MYCBP2: variants seen among roughly 807,000 people sequenced by gnomAD.
The protein encoded by MYCBP2 is MYC binding protein 2.
In MYCBP2, 120 loss-of-function variants were observed where a neutral mutation model predicts 525.3. That is an observed-to-expected ratio of 0.23 (90% CI 0.20 to 0.27). The LOEUF is 0.27. Among genes scored for constraint, MYCBP2 ranks in the 10% least tolerant of loss-of-function variants. The pLI is 1.00. For synonymous variants in MYCBP2, 1,894 were observed against 1,955.8 expected (o/e 0.97, Z 0.83); for missense variants, 4,149 against 5,657.1 (o/e 0.73, Z 8.55).
At chr13:77,141,287 T>C (rs1159148846) in intron 49 of MYCBP2, among the ~76,000 whole-genome samples, 1 of 152,150 alleles carries the variant, frequency 6.6e-6, no homozygotes, top group African/African-American at 2.4e-5. Context: ...CCACTCATCA[T>C]CTCTACCAGT....
chr13:77,185,461 A>G, intron 31 of MYCBP2, 84 bp from the exon 32 acceptor site: 1 of 1,369,830 alleles, frequency 7.3e-7, no homozygotes, highest in Admixed American at 2.1e-5. Flanking sequence ...GTAATTCCCT[A>G]TACAGCTAAG....
intron 76 of MYCBP2, among the ~76,000 whole-genome samples, chr13:77,060,870 T>C (rs1293762068): frequency 6.6e-6 from 1 of 152,168 alleles, no homozygotes; most frequent in Non-Finnish European, 1.5e-5. Context: ...ATGTATTTTA[T>C]CTATGGAGCC....
Position 77,326,150 on chromosome 13 carries a change from C to T in MYCBP2, c.302+324G>A, listed in dbSNP as rs1392957953. Among the ~76,000 whole-genome samples, 1 of 151,994 alleles carries T rather than the reference C, an allele frequency of 6.6e-6. No homozygotes were observed. The highest frequency in any genetic ancestry group is 1.5e-5 in the Non-Finnish European group (1 of 68,006). ...TGCCACCTCCTACCTCAACGATACA[C>T]ACACGTGTCACAGCCGACCAGCACC... On this transcript the variant is annotated intron_variant, in intron 1 of 82. Transcript: ENST00000544440. This position sits in a 1 kb window ranked among gnomAD's most constrained non-coding sequence, Gnocchi z 4.2.
chr13:77,326,598 A>G lies in MYCBP2; in HGVS notation c.178T>C (p.Ser60Pro). ...GLGLGLPAAD[S>P]RGHYQLLLSG... ...AGCAGCAGCTGGTAGTGACCCCGGG[A>G]GTCCGCGGCGGGTAGCCCCAGCCCC... Residue 60 changes from serine to proline, a missense_variant, in exon 1 of 83, where the codon TCC becomes CCC. Around this residue, in one of 21 missense-constraint regions of MYCBP2, gnomAD observed 413 missense variants for 451.2 expected, o/e 0.92. Transcript: ENST00000544440. This position sits in a 1 kb window ranked among gnomAD's most constrained non-coding sequence, Gnocchi z 4.2. The G allele has an allele frequency of 1.3e-6, 2 of 1,587,282 alleles. No individual in the cohort carries two copies. Among genetic ancestry groups the G allele is most frequent in the Non-Finnish European group, 8.6e-7 (1 of 1,168,760 alleles).
At chr13:77,113,337 T>G (rs958313983) in intron 55 of MYCBP2, among the ~76,000 whole-genome samples, 5 of 152,150 alleles carry the variant, frequency 3.3e-5, no homozygotes, top group Non-Finnish European at 5.9e-5. Flanking sequence ...ACTTAAAACA[T>G]GCCATTATTT....
chr13:77,161,852 A>G, intron 44 of MYCBP2, 54 bp downstream of exon 44: 1 of 1,364,798 alleles, frequency 7.3e-7, no homozygotes, highest in Non-Finnish European at 1.0e-6. Flanking sequence ...TCTGAGTGAC[A>G]ATACTTTTTA....
chr13:77,241,318 G>A (rs1226637792), intron 17 of MYCBP2, among the ~76,000 whole-genome samples: 1 of 152,094 alleles, frequency 6.6e-6, no homozygotes, highest in Admixed American at 6.6e-5. Context: ...GAGAAAAAGA[G>A]TAACAAGATA....
rs57286952 is a variant in MYCBP2 at position 77,289,390 on chromosome 13, C to A, written c.379-1014G>T. Among the ~76,000 whole-genome samples, 117 of 151,988 alleles carry A rather than the reference C, an allele frequency of 7.7e-4. 1 individual carries two copies. In the East Asian group the frequency reaches 0.017, roughly 22 times the overall value. On this transcript the variant is annotated intron_variant, in intron 2 of 82. Coordinates refer to ENST00000544440, the MANE Select transcript of MYCBP2 (RefSeq NM_015057.5). ...TACATTATGACCAACTGAGGTTTAA[C>A]CCAGGGACAATGCTGGCACAACACT...
In MYCBP2 at chr13:77,129,198, A is replaced by C. The variant is rs565535381; in HGVS notation, c.7660-2656T>G. The C allele has an allele frequency of 2.8e-4, 110 of 398,048 alleles. 1 individual carries two copies. In the East Asian group the frequency reaches 3.9e-3, roughly 14 times the overall value. 24.7% of individuals were successfully genotyped at this position (398,048 alleles called of 1,614,324 possible). A position where few individuals can be genotyped will look rare whatever the true frequency, so the allele number is the denominator to read the frequency against. On this transcript the variant is annotated intron_variant, in intron 52 of 82. Transcript: ENST00000544440. The stretch of plus-strand genomic sequence containing the variant: ...TGGAAGTCCATGAAAATACGTCCAA[A>C]TCCCTGACTCCTTGGCTAGCATTAA...
intron 46 of MYCBP2, among the ~76,000 whole-genome samples, chr13:77,152,129 G>A (rs1032067914): frequency 2.0e-5 from 3 of 152,274 alleles, no homozygotes; most frequent in South Asian, 2.1e-4. Context: ...TTAACAACGC[G>A]ATTCTATGGA....
At chr13:77,085,951 T>C (rs191923006) in intron 62 of MYCBP2, among the ~76,000 whole-genome samples, 2 of 152,320 alleles carry the variant, frequency 1.3e-5, no homozygotes, top group Non-Finnish European at 2.9e-5. Context: ...ATTGTAACTG[T>C]AGACTGTCCT....
rs528171289 is a variant in MYCBP2 at position 77,066,413 on chromosome 13, G to T, written c.12456-325C>A. 9.9e-5 allele frequency among the ~76,000 whole-genome samples: 15 copies of T among 152,278 alleles called. No individual in the cohort carries two copies. The Middle Eastern group carries it at 0.02, about 207-fold the overall frequency. ...AGCTTAACCGGAATATAAATTCACT[G>T]TATCACTAAGCACACTACTATTTAG... On this transcript the variant is annotated intron_variant, in intron 71 of 82. Coordinates refer to ENST00000544440, the MANE Select transcript of MYCBP2 (RefSeq NM_015057.5).
intron 13 of MYCBP2, among the ~76,000 whole-genome samples, chr13:77,260,122 C>T (rs986058858): frequency 3.3e-5 from 5 of 152,200 alleles, no homozygotes; most frequent in African/African-American, 1.2e-4. Flanking sequence ...CTTCAGGATA[C>T]TACCACTGTC....
intron 23 of MYCBP2, among the ~76,000 whole-genome samples, chr13:77,210,428 G>T (rs1048258744): frequency 1.3e-5 from 2 of 152,038 alleles, no homozygotes; most frequent in African/African-American, 4.8e-5. Flanking sequence ...TCCTGACCTC[G>T]TGATCTGCCC....
At chr13:77,271,326 T>C (rs1194655316) in intron 5 of MYCBP2, among the ~76,000 whole-genome samples, 1 of 152,062 alleles carries the variant, frequency 6.6e-6, no homozygotes, top group Non-Finnish European at 1.5e-5. Flanking sequence ...AAGTCAAGAG[T>C]TCAACCCTCC....
intron 26 of MYCBP2, among the ~76,000 whole-genome samples, chr13:77,196,111 A>G (rs1333528103): frequency 6.6e-6 from 1 of 152,130 alleles, no homozygotes; most frequent in Non-Finnish European, 1.5e-5. Context: ...GGTGATGGGG[A>G]AGTGGGCTAT....
Position 77,326,443 on chromosome 13 carries a change from G to T in MYCBP2, c.302+31C>A. ...ATGGGGCGCAAGGAAGGGCGGCATG[G>T]GGCGCAAGGAAGGGCACCCTGGGGA... is the stretch of plus-strand genomic sequence containing the variant. On this transcript the variant is annotated intron_variant, in intron 1 of 82. Transcript: ENST00000544440. This position sits in a 1 kb window ranked among gnomAD's most constrained non-coding sequence, Gnocchi z 4.2. 1 of 1,518,064 alleles carries T rather than the reference G, an allele frequency of 6.6e-7. No individual in the cohort carries two copies. Among genetic ancestry groups the T allele is most frequent in the Non-Finnish European group, 8.8e-7 (1 of 1,138,606 alleles). The allele number at this position is 1,518,064 out of a possible 1,614,324, so 94.0% of individuals were successfully genotyped here. A position where few individuals can be genotyped will look rare whatever the true frequency, so the allele number is the denominator to read the frequency against.
rs751155477 is a variant in MYCBP2, at chr13:77,055,612, T to G, written c.13593A>C (p.Pro4531=). 1.1e-5 allele frequency: 18 copies of G among 1,614,148 alleles called. No individual in the cohort carries two copies. Among genetic ancestry groups the G allele is most frequent in the Non-Finnish European group, 1.4e-5 (16 of 1,180,016 alleles). ...TTPGVRFYND[P]AGYAMNRYAY... Reference sequence around the variant, plus strand: ...CATATCTATTCATTGCATAGCCAGCTGGGTCATTATAAAACCTCACACCAG... The same window carrying G: ...CATATCTATTCATTGCATAGCCAGCGGGGTCATTATAAAACCTCACACCAG... Residue 4531 remains proline, a synonymous_variant, in exon 80 of 83, where the codon CCA becomes CCC. Transcript: ENST00000544440.
intron 55 of MYCBP2, among the ~76,000 whole-genome samples, chr13:77,114,479 A>G (rs1782963610): frequency 6.6e-6 from 1 of 152,138 alleles, no homozygotes; most frequent in Non-Finnish European, 1.5e-5. Context: ...TTCCATGACT[A>G]TGTTTCTACA....
Sources: allele counts gnomAD v4.1 joint callset (sites outside exome capture counted in the v4.1 genomes callset), GRCh38; gene constraint gnomAD v4.1.1; regional missense constraint gnomAD v4.1.1; non-coding constraint Gnocchi (gnomAD v3.1); transcripts MANE v1.5; gene names NCBI Gene and HGNC (gene_info 2026-07-23, HGNC 2026-07-21).